Variants in EXOC2 observed in about 807,000 individuals in gnomAD.
The protein encoded by EXOC2 is exocyst complex component 2, also known as SEC5-like 1.
In EXOC2, 70 loss-of-function variants were observed where a neutral mutation model predicts 131.8. The observed-to-expected ratio is 0.53, with a 90% CI of 0.44 to 0.65. EXOC2 has a LOEUF of 0.65. EXOC2 is among the 30% of genes least tolerant of loss of function. The probability of loss-of-function intolerance (pLI) is 0.00; values close to 1 mark genes in which losing one functional copy is unlikely to be tolerated. For synonymous variants in EXOC2, 411 were observed against 398.4 expected (o/e 1.03, Z -0.38); for missense variants, 923 against 1,108.6 (o/e 0.83, Z 2.38).
intron 17 of EXOC2, among the ~76,000 whole-genome samples, chr6:557,870 G>A (rs754042448): frequency 2.0e-5 from 3 of 152,140 alleles, no homozygotes; most frequent in Non-Finnish European, 2.9e-5. Flanking sequence ...GAAGAGCAGC[G>A]TGTCACAACC....
At chr6:508,427 G>A (rs1407587302) in intron 23 of EXOC2, among the ~76,000 whole-genome samples, 2 of 152,136 alleles carry the variant, frequency 1.3e-5, no homozygotes, top group Non-Finnish European at 2.9e-5. Context: ...TAGCTTCACT[G>A]CCCTAAAACT....
intron 10 of EXOC2, among the ~76,000 whole-genome samples, chr6:594,261 T>C (rs1001869618): frequency 1.3e-5 from 2 of 150,516 alleles, no homozygotes; most frequent in Non-Finnish European, 2.9e-5. Flanking sequence ...TCTGATTCTT[T>C]CTCTCACACA....
At chr6:519,044 G>A (rs899107003) in intron 23 of EXOC2, among the ~76,000 whole-genome samples, 1 of 151,920 alleles carries the variant, frequency 6.6e-6, no homozygotes, top group Non-Finnish European at 1.5e-5. Context: ...AGAACCGCGT[G>A]AGGGATGGGT....
At chr6:529,376 G>A (rs1011438812) in intron 23 of EXOC2, among the ~76,000 whole-genome samples, 4 of 147,910 alleles carry the variant, frequency 2.7e-5, no homozygotes, top group Non-Finnish European at 4.5e-5. Flanking sequence ...GTTTGTTAAC[G>A]GAGGCAGCAG....
At chr6:567,314 C>A (rs1350835998) in intron 13 of EXOC2, among the ~76,000 whole-genome samples, 1 of 152,202 alleles carries the variant, frequency 6.6e-6, no homozygotes, top group Non-Finnish European at 1.5e-5. Context: ...GCCTGCTTCC[C>A]CCCATCCTCT....
intron 1 of EXOC2, among the ~76,000 whole-genome samples, chr6:655,730 T>C (rs80326772): frequency 6.6e-6 from 1 of 152,224 alleles, no homozygotes; most frequent in Non-Finnish European, 1.5e-5. Context: ...AAAACATTCA[T>C]ACATATTTTA....
At chr6:489,216 C>T (rs896797880) in intron 26 of EXOC2, among the ~76,000 whole-genome samples, 178 bp from the exon 27 acceptor site, 3 of 152,074 alleles carry the variant, frequency 2.0e-5, no homozygotes, top group African/African-American at 7.2e-5. Context: ...GGTGTAGCTA[C>T]CAGGTGGAGG....
At chr6:626,490 T>C (rs1460791668) in intron 4 of EXOC2, among the ~76,000 whole-genome samples, 1 of 152,176 alleles carries the variant, frequency 6.6e-6, no homozygotes, top group African/African-American at 2.4e-5. Context: ...CGCTAGACCG[T>C]CAGCTGTCGA....
chr6:690,217 C>T (rs148204899), intron 1 of EXOC2, among the ~76,000 whole-genome samples: 4 of 152,194 alleles, frequency 2.6e-5, no homozygotes, highest in Non-Finnish European at 5.9e-5. Context: ...TGAGCCGAAC[C>T]CGGTGGCACG....
chr6:657,054 C>A, intron 1 of EXOC2: 1 of 933,104 alleles, frequency 1.1e-6, no homozygotes. Flanking sequence ...CCCTCCGGCC[C>A]CCCAGCTAGG....
chr6:488,572 A>C (rs544391943), intron 27 of EXOC2, among the ~76,000 whole-genome samples: 1 of 152,086 alleles, frequency 6.6e-6, no homozygotes, highest in Non-Finnish European at 1.5e-5. Context: ...ATACTACTGA[A>C]TTACTCAAAA....
intron 13 of EXOC2, among the ~76,000 whole-genome samples, chr6:569,751 C>T (rs756882909): frequency 6.6e-6 from 1 of 152,188 alleles, no homozygotes; most frequent in Admixed American, 6.5e-5. Context: ...TTGCTATAAG[C>T]TTTTAAGTTT....
At chr6:611,780 T>A (rs13218190) in intron 6 of EXOC2, among the ~76,000 whole-genome samples, 2 of 152,266 alleles carry the variant, frequency 1.3e-5, no homozygotes, top group Non-Finnish European at 2.9e-5. Flanking sequence ...TTTGTTATTG[T>A]TTCTAATCTA....
intron 1 of EXOC2, among the ~76,000 whole-genome samples, chr6:639,136 A>C (rs888394855): frequency 6.6e-6 from 1 of 152,100 alleles, no homozygotes. Context: ...GTCTTTTAAG[A>C]AACCAAGCAA....
rs55863606 is a variant in EXOC2, at chr6:651,656, AAAAT to A, written c.-43-13799_-43-13796del. Among the ~76,000 whole-genome samples, 187 of 147,122 alleles carry A rather than the reference AAAAT, an allele frequency of 1.3e-3. 1 individual carries two copies. Among genetic ancestry groups the A allele is most frequent in the African/African-American group, 4.2e-3 (171 of 40,536 alleles). ...CAACAGAGCAAGACTCCGTCTCAGA[AAAAT>A]AAATAAATAAATAAATAAATAATAA... On this transcript the variant is annotated intron_variant, in intron 1 of 27. Coordinates refer to ENST00000230449, the MANE Select transcript of EXOC2 (RefSeq NM_018303.6).
At chr6:610,286 C>A in intron 6 of EXOC2, 108 bp from the exon 7 acceptor site, 1 of 988,502 alleles carries the variant, frequency 1.0e-6, no homozygotes, top group Non-Finnish European at 1.5e-6. Context: ...ATTATTTTCA[C>A]TGCTGAAAAG....
intron 22 of EXOC2, among the ~76,000 whole-genome samples, chr6:545,149 G>A (rs1213410739): frequency 3.9e-5 from 2 of 51,366 alleles, no homozygotes; most frequent in Non-Finnish European, 6.2e-5. Context: ...GCGAGACTCC[G>A]TCTCAAAAAA....
intron 4 of EXOC2, among the ~76,000 whole-genome samples, chr6:625,959 T>C (rs1306751206): frequency 1.3e-5 from 2 of 152,198 alleles, no homozygotes; most frequent in African/African-American, 4.8e-5. Context: ...AAATACCCTC[T>C]TGTTAGGCAA....
chr6:686,823 C>G (rs1445486606), intron 1 of EXOC2, among the ~76,000 whole-genome samples: 1 of 152,182 alleles, frequency 6.6e-6, no homozygotes, highest in Non-Finnish European at 1.5e-5. Context: ...CCAACCGATG[C>G]CACTGGACAT....
Sources: gnomAD v4.1 joint callset for allele counts (sites outside exome capture counted in the v4.1 genomes callset) on GRCh38, gnomAD v4.1.1 for gene constraint, MANE v1.5 for transcripts, NCBI Gene and HGNC (gene_info 2026-07-23, HGNC 2026-07-21) for gene names.